Variants in PATJ observed in about 807,000 individuals in gnomAD.
PATJ encodes PATJ crumbs cell polarity complex component, also known as inaD-like protein.
In PATJ, 190 loss-of-function variants were observed where a neutral mutation model predicts 224.9. That is an observed-to-expected ratio of 0.84 (90% CI 0.75 to 0.95). PATJ has a LOEUF of 0.95. Among genes scored for constraint, PATJ ranks in the 40% least tolerant of loss-of-function variants. The pLI is 0.00. For missense variants in PATJ, 2,121 were observed against 2,270.3 expected, an observed-to-expected ratio of 0.93 and a Z score of 1.34; for synonymous variants, 769 against 820.3, an observed-to-expected ratio of 0.94 and a Z score of 1.07.
chr1:61,886,128 G>A (rs1459665069), intron 22 of PATJ, among the ~76,000 whole-genome samples: 2 of 151,648 alleles, frequency 1.3e-5, no homozygotes, highest in African/African-American at 2.4e-5. Context: ...GTATACATAT[G>A]TAACTAAACT....
At chr1:61,935,812 G>T (rs1676772149) in intron 27 of PATJ, among the ~76,000 whole-genome samples, 1 of 151,702 alleles carries the variant, frequency 6.6e-6, no homozygotes, top group Non-Finnish European at 1.5e-5. Flanking sequence ...ATTAACCTGT[G>T]TACTGCCCGA....
chr1:61,908,304 A>G (rs1672133193), intron 24 of PATJ, 68 bp from the exon 25 acceptor site: 1 of 1,017,506 alleles, frequency 9.8e-7, no homozygotes, highest in Non-Finnish European at 1.5e-6. Flanking sequence ...ATGCACATGA[A>G]CTTTGAATTA....
At chr1:61,746,188 C>T (rs985579737) in intron 1 of PATJ, among the ~76,000 whole-genome samples, 10 of 152,130 alleles carry the variant, frequency 6.6e-5, no homozygotes, top group Admixed American at 2.6e-4. Flanking sequence ...GAGATCTGCC[C>T]GACTTGGCCT....
At chr1:61,825,732 A>G (rs1025149493) in intron 15 of PATJ, among the ~76,000 whole-genome samples, 7 of 152,204 alleles carry the variant, frequency 4.6e-5, no homozygotes, top group Non-Finnish European at 8.8e-5. Flanking sequence ...GACAATTCAA[A>G]TGAATAAATA....
At chr1:62,125,506 T>C (rs1241454740) in intron 39 of PATJ, among the ~76,000 whole-genome samples, 1 of 152,124 alleles carries the variant, frequency 6.6e-6, no homozygotes, top group African/African-American at 2.4e-5. Flanking sequence ...CCGGTATTTT[T>C]CCACCAGAGT....
intron 22 of PATJ, among the ~76,000 whole-genome samples, chr1:61,892,366 A>G (rs1669719245): frequency 6.6e-6 from 1 of 152,162 alleles, no homozygotes; most frequent in South Asian, 2.1e-4. Flanking sequence ...AGTACTACTG[A>G]AGAGGAAAGG....
intron 24 of PATJ, among the ~76,000 whole-genome samples, chr1:61,902,859 G>C (rs1671376869): frequency 6.6e-6 from 1 of 152,114 alleles, no homozygotes. Context: ...TAATAACTTT[G>C]TTATGGAAGA....
chr1:61,864,682 C>T (rs763870620), intron 20 of PATJ, 49 bp downstream of exon 20: 40 of 1,485,512 alleles, frequency 2.7e-5, no homozygotes, highest in Non-Finnish European at 3.5e-5. Flanking sequence ...GCTCTCCTCG[C>T]CTGTCCCTGT....
chr1:61,769,256 C>CTT, intron 4 of PATJ, 27 bp from the exon 5 acceptor site: 13 of 1,321,640 alleles, frequency 9.8e-6, no homozygotes, highest in Admixed American at 6.3e-5. Flanking sequence ...ACACCATTGA[C>CTT]TTTTTTTTTT....
Position 62,106,156 on chromosome 1 carries a change from G to GTA in PATJ, c.4378-2280_4378-2279insAT, listed in dbSNP as rs1372747156. ...TATACATGTGTATATGTGTGTGTGT[G>GTA]TGTATATATATATATATATATATAT... is the stretch of plus-strand genomic sequence containing the variant. On this transcript the variant is annotated intron_variant, in intron 33 of 43. Transcript: ENST00000642238. Among the ~76,000 whole-genome samples the GTA allele has an allele frequency of 1.5e-3, 83 of 54,848 alleles. 6 individuals are homozygous for GTA. Among genetic ancestry groups the GTA allele is most frequent in the African/African-American group, 3.5e-3 (57 of 16,328 alleles). The allele number at this position is 54,848 out of a possible 152,430, so 36.0% of individuals were successfully genotyped here. A position where few individuals can be genotyped will look rare whatever the true frequency, so the allele number is the denominator to read the frequency against.
At chr1:62,024,657 AACACACACACACACACACACACACAC>A (rs10605703) in intron 29 of PATJ, among the ~76,000 whole-genome samples, 25,096 of 107,752 alleles carry the variant, frequency 0.23, 2,946 homozygotes, top group South Asian at 0.38. Context: ...CCCACCTCCC[AACACACACACACACACACACACACAC>A]ACACACACAC....
intron 29 of PATJ, among the ~76,000 whole-genome samples, chr1:62,035,827 G>A (rs1462618169): frequency 1.3e-5 from 2 of 152,012 alleles, no homozygotes; most frequent in Non-Finnish European, 2.9e-5. Flanking sequence ...ATTGTCTAGG[G>A]TGCTATGAGC....
intron 28 of PATJ, among the ~76,000 whole-genome samples, chr1:62,012,071 A>C (rs1370959249): frequency 6.6e-6 from 1 of 152,180 alleles, no homozygotes; most frequent in East Asian, 1.9e-4. Flanking sequence ...TTAAAAGTCA[A>C]CTATTGGGCA....
At chr1:61,949,611 C>T (rs11809363) in intron 27 of PATJ, among the ~76,000 whole-genome samples, 6,600 of 152,236 alleles carry the variant, frequency 0.043, 535 homozygotes, top group African/African-American at 0.15. Flanking sequence ...TAAATTACTT[C>T]CAAGAAGTGA....
chr1:62,066,716 T>C (rs1001903583), intron 31 of PATJ, among the ~76,000 whole-genome samples: 7 of 152,124 alleles, frequency 4.6e-5, no homozygotes, highest in African/African-American at 1.7e-4. Context: ...AAGAGTTTAA[T>C]TGACGCAAGA....
chr1:61,939,676 CTTTTTTTTTT>C (rs71050183), intron 27 of PATJ, among the ~76,000 whole-genome samples: 20 of 58,874 alleles, frequency 3.4e-4, no homozygotes, highest in Admixed American at 6.6e-4. Context: ...TTTCTATGTG[CTTTTTTTTTT>C]TTTTTTTTTT....
At chr1:62,028,977 A>ATACATACATACATACG (rs1648625398) in intron 29 of PATJ, among the ~76,000 whole-genome samples, 2 of 151,736 alleles carry the variant, frequency 1.3e-5, no homozygotes, top group Admixed American at 6.6e-5. Context: ...ACATACATAC[A>ATACATACATACATACG]TACATACATA....
intron 27 of PATJ, among the ~76,000 whole-genome samples, chr1:61,962,932 C>G (rs886769876): frequency 1.3e-5 from 2 of 152,254 alleles, no homozygotes; most frequent in Admixed American, 6.5e-5. Flanking sequence ...GGCAACCTTC[C>G]TCCTTTTAAG....
At chr1:61,778,534 C>T (rs1470967667) in intron 7 of PATJ, among the ~76,000 whole-genome samples, 1 of 152,146 alleles carries the variant, frequency 6.6e-6, no homozygotes, top group Admixed American at 6.6e-5. Flanking sequence ...TATAATACCC[C>T]TCCCCTTTCC....
Sources: gnomAD v4.1 joint callset for allele counts (sites outside exome capture counted in the v4.1 genomes callset) on GRCh38, gnomAD v4.1.1 for gene constraint, MANE v1.5 for transcripts, NCBI Gene and HGNC (gene_info 2026-07-23, HGNC 2026-07-21) for gene names.